Variants in ZMYM4 observed in about 807,000 individuals in gnomAD.
The protein encoded by ZMYM4 is zinc finger MYM-type containing 4.
Under a neutral mutation model 183.2 loss-of-function variants are expected in ZMYM4, and 31 were observed. That is an observed-to-expected ratio of 0.17 (90% CI 0.13 to 0.23). The LOEUF (loss-of-function observed/expected upper bound fraction) is 0.23. ZMYM4 is among the 10% of genes least tolerant of loss of function. The pLI is 1.00. For synonymous variants in ZMYM4, 592 were observed against 631.2 expected (o/e 0.94, Z 0.93); for missense variants, 1,273 against 1,840.3 (o/e 0.69, Z 5.64).
intron 23 of ZMYM4, among the ~76,000 whole-genome samples, chr1:35,401,359 A>G (rs1331501291): frequency 2.0e-5 from 3 of 152,110 alleles, no homozygotes; most frequent in Non-Finnish European, 4.4e-5. Context: ...TATGGTTTTA[A>G]TTTGTTTTTC....
intron 1 of ZMYM4, among the ~76,000 whole-genome samples, chr1:35,318,054 G>GTTATTTTT: frequency 8.6e-6 from 1 of 116,618 alleles, no homozygotes; most frequent in Non-Finnish European, 1.7e-5. Context: ...GATTATGGCA[G>GTTATTTTT]TTTTTTTTTT....
intron 7 of ZMYM4, chr1:35,370,883 C>T: frequency 2.9e-6 from 1 of 346,574 alleles, no homozygotes; most frequent in Non-Finnish European, 5.0e-6. Context: ...GCTCTCCCAT[C>T]CTTGTTAGTT....
intron 5 of ZMYM4, among the ~76,000 whole-genome samples, chr1:35,366,497 ATATT>A (rs981024054): frequency 5.1e-4 from 78 of 152,364 alleles, no homozygotes; most frequent in African/African-American, 1.8e-3. Context: ...GCTATTAAGA[ATATT>A]TATGAAAGAA....
intron 2 of ZMYM4, among the ~76,000 whole-genome samples, chr1:35,329,685 A>G (rs1642652675): frequency 6.6e-6 from 1 of 152,122 alleles, no homozygotes; most frequent in South Asian, 2.1e-4. Flanking sequence ...TTTACTTGTG[A>G]AAAAGTTTGC....
chr1:35,308,974 C>G (rs1641674896), intron 1 of ZMYM4: 1 of 985,256 alleles, frequency 1.0e-6, no homozygotes. Context: ...AGCAGACAGC[C>G]TTGTTTGAAA....
intron 1 of ZMYM4, among the ~76,000 whole-genome samples, chr1:35,293,464 G>A (rs933871008): frequency 6.6e-6 from 1 of 151,830 alleles, no homozygotes; most frequent in African/African-American, 2.4e-5. Flanking sequence ...CAGGCAATGC[G>A]CCACCACACC....
intron 1 of ZMYM4, among the ~76,000 whole-genome samples, chr1:35,309,513 A>G (rs957497765): frequency 1.3e-5 from 2 of 152,234 alleles, no homozygotes; most frequent in African/African-American, 4.8e-5. Flanking sequence ...TTATATGTGT[A>G]TAATGATTAT....
At chr1:35,290,610 G>A (rs191405854) in intron 1 of ZMYM4, among the ~76,000 whole-genome samples, 1 of 150,896 alleles carries the variant, frequency 6.6e-6, no homozygotes, top group African/African-American at 2.4e-5. Flanking sequence ...TTCATTTTTT[G>A]TAGAGATTGG....
At chr1:35,269,923 A>G (rs760642844) in intron 1 of ZMYM4, among the ~76,000 whole-genome samples, 4 of 152,220 alleles carry the variant, frequency 2.6e-5, no homozygotes, top group Non-Finnish European at 5.9e-5. Context: ...GCTTAGCATG[A>G]TAAGAAGTAA....
At chr1:35,340,630 G>GCTCCTATGAGAATTTAATGCTGCT (rs1398117663) in intron 2 of ZMYM4, among the ~76,000 whole-genome samples, 4 of 151,892 alleles carry the variant, frequency 2.6e-5, no homozygotes, top group Non-Finnish European at 5.9e-5. Context: ...TAGGGTTTGC[G>GCTCCTATGAGAATTTAATGCTGCT]CTCCTATGAG....
In ZMYM4 at chr1:35,393,643, A is replaced by C; in HGVS notation, c.2815A>C (p.Arg939=). The stretch of plus-strand genomic sequence containing the variant: ...GAAACTGCCACCTTCCCAACCTCCA[A>C]GGCTTTTGAAGAACAAAGCTTTATT... The part of the protein sequence containing the change: ...ALKLPPSQPP[R]LLKNKALLCK... Residue 939 remains arginine (R), a synonymous_variant, in exon 18 of 30, where the codon AGG becomes CGG. Transcript: ENST00000314607. 1.2e-6 allele frequency: 2 copies of C among 1,612,158 alleles called. No individual in the cohort carries two copies. The highest frequency in any genetic ancestry group is 1.7e-6 in the Non-Finnish European group (2 of 1,178,788).
At chr1:35,294,395 G>A (rs1640908337) in intron 1 of ZMYM4, among the ~76,000 whole-genome samples, 1 of 151,992 alleles carries the variant, frequency 6.6e-6, no homozygotes, top group South Asian at 2.1e-4. Context: ...TCCCAGTAGG[G>A]GTTTTAAAAA....
chr1:35,305,147 AAGT>A (rs1641477689), intron 1 of ZMYM4, among the ~76,000 whole-genome samples: 2 of 152,144 alleles, frequency 1.3e-5, no homozygotes, highest in Non-Finnish European at 2.9e-5. Flanking sequence ...CCCAGCCCAC[AAGT>A]AAACTTTAAA....
intron 1 of ZMYM4, among the ~76,000 whole-genome samples, chr1:35,269,362 G>A (rs1037143432): frequency 1.3e-5 from 2 of 151,594 alleles, no homozygotes; most frequent in African/African-American, 4.8e-5. Context: ...TCTAGGCCCA[G>A]GGAGGGGAGG....
Position 35,381,725 on chromosome 1 carries a change from T to C in ZMYM4, c.1536T>C (p.Phe512=). ...MLQIEGQSKK[F]CSSSCITAYK... ...AGATAGAGGGACAGTCTAAGAAGTT[T>C]TGTAGTTCATCGTGTATCACGGCAT... Residue 512 remains phenylalanine (F), a synonymous_variant, in exon 9 of 30, where the codon TTT becomes TTC. Coordinates refer to ENST00000314607, the MANE Select transcript of ZMYM4 (RefSeq NM_005095.3). 6.2e-7 allele frequency: 1 copy of C among 1,614,206 alleles called. No individual in the cohort carries two copies. The highest frequency in any genetic ancestry group is 1.1e-5 in the South Asian group (1 of 91,090).
At chr1:35,371,108 C>CGTGTGT (rs1262720306) in intron 7 of ZMYM4, among the ~76,000 whole-genome samples, 1 of 91,444 alleles carries the variant, frequency 1.1e-5, no homozygotes, top group Non-Finnish European at 2.0e-5. Flanking sequence ...TGTGTGTGTG[C>CGTGTGT]GCACATTTAT....
intron 23 of ZMYM4, among the ~76,000 whole-genome samples, chr1:35,401,960 C>G (rs1644917357): frequency 6.6e-6 from 1 of 152,000 alleles, no homozygotes; most frequent in Non-Finnish European, 1.5e-5. Context: ...GTTCTATTGA[C>G]TTATATGTCT....
At chr1:35,371,345 T>A (rs1356826327) in intron 7 of ZMYM4, among the ~76,000 whole-genome samples, 1 of 152,080 alleles carries the variant, frequency 6.6e-6, no homozygotes, top group Non-Finnish European at 1.5e-5. Flanking sequence ...CTCGATCTCC[T>A]GACCTCGTGA....
intron 25 of ZMYM4, among the ~76,000 whole-genome samples, chr1:35,407,273 A>G (rs1415628022): frequency 6.6e-6 from 1 of 152,086 alleles, no homozygotes; most frequent in Non-Finnish European, 1.5e-5. Flanking sequence ...GTCTCTACTA[A>G]AAATACAAAA....
Sources: gnomAD v4.1 joint callset for allele counts (sites outside exome capture counted in the v4.1 genomes callset) on GRCh38, gnomAD v4.1.1 for gene constraint, MANE v1.5 for transcripts, NCBI Gene and HGNC (gene_info 2026-07-23, HGNC 2026-07-21) for gene names.